Variants in PDSS2 observed in about 807,000 individuals in gnomAD.
The protein encoded by PDSS2 is all trans-polyprenyl-diphosphate synthase PDSS2.
In PDSS2, 31 loss-of-function variants were observed where a neutral mutation model predicts 44.5. That is an observed-to-expected ratio of 0.70 (90% confidence interval 0.52 to 0.94). The LOEUF (loss-of-function observed/expected upper bound fraction) is 0.94, where lower values mean the gene tolerates loss of function less well. Among genes scored for constraint, PDSS2 ranks in the 40% least tolerant of loss-of-function variants. The probability of loss-of-function intolerance (pLI) is 0.00; values close to 1 mark genes in which losing one functional copy is unlikely to be tolerated. For synonymous variants in PDSS2, 157 were observed against 180.3 expected (o/e 0.87, Z 1.03); for missense variants, 452 against 482.2 (o/e 0.94, Z 0.59).
intron 3 of PDSS2, among the ~76,000 whole-genome samples, chr6:107,250,398 A>T (rs1392964970): frequency 6.6e-6 from 1 of 152,236 alleles, no homozygotes; most frequent in East Asian, 1.9e-4. Context: ...GATGATTTTT[A>T]ATTTAAAAAA....
chr6:107,157,671 C>A (rs564453343), intron 7 of PDSS2, among the ~76,000 whole-genome samples: 1 of 150,916 alleles, frequency 6.6e-6, no homozygotes, highest in African/African-American at 2.4e-5. Context: ...ATTGTTTTAG[C>A]GTTTTTGTTT....
chr6:107,163,862 CAA>C (rs1472261585), intron 7 of PDSS2, among the ~76,000 whole-genome samples: 1 of 152,200 alleles, frequency 6.6e-6, no homozygotes, highest in Non-Finnish European at 1.5e-5. Flanking sequence ...CTCGGCCTCC[CAA>C]AGTGCTGGGA....
chr6:107,354,584 G>A (rs372324486), intron 1 of PDSS2, among the ~76,000 whole-genome samples: 1 of 152,306 alleles, frequency 6.6e-6, no homozygotes, highest in East Asian at 1.9e-4. Context: ...AGTCTGAAGA[G>A]CCAATTCCTG....
At chr6:107,286,020 A>C (rs1384468177) in intron 2 of PDSS2, among the ~76,000 whole-genome samples, 1 of 151,942 alleles carries the variant, frequency 6.6e-6, no homozygotes. Flanking sequence ...GGTGCCTGTA[A>C]TCCCAGCTAC....
In PDSS2 at chr6:107,379,195, G is replaced by C. The variant is rs144170283; in HGVS notation, c.297-44863C>G. ...ATCATTTATATCAGCATGGACTCAT[G>C]GATATTTATAGTATGCTTTGAGTAT... On this transcript the variant is annotated intron_variant, in intron 1 of 7. Coordinates refer to ENST00000369037, the MANE Select transcript of PDSS2 (RefSeq NM_020381.4). Among the ~76,000 whole-genome samples, 39 of 152,232 alleles carry C rather than the reference G, an allele frequency of 2.6e-4. No homozygotes were observed. The East Asian group carries it at 7.3e-3, about 29-fold the overall frequency.
At chr6:107,280,146 G>A (rs1232118558) in intron 2 of PDSS2, among the ~76,000 whole-genome samples, 2 of 152,076 alleles carry the variant, frequency 1.3e-5, no homozygotes, top group Non-Finnish European at 2.9e-5. Context: ...TGCAACCTCT[G>A]CCTCCCAGGT....
In PDSS2 at chr6:107,269,338, GTC is replaced by G. The variant is rs1438915455; in HGVS notation, c.630+4689_630+4690del. Among the ~76,000 whole-genome samples the G allele has an allele frequency of 4.2e-4, 51 of 121,594 alleles. 1 individual carries two copies. The highest frequency in any genetic ancestry group is 1.4e-3 in the African/African-American group (47 of 33,106). 79.8% of individuals were successfully genotyped at this position (121,594 alleles called of 152,430 possible). A position where few individuals can be genotyped will look rare whatever the true frequency, so the allele number is the denominator to read the frequency against. On this transcript the variant is annotated intron_variant, in intron 3 of 7. Coordinates refer to ENST00000369037, the MANE Select transcript of PDSS2 (RefSeq NM_020381.4). ...AGGCCTTCTCAATCTCATTTCGTGTGTCTGTGTGTGTGTGTGTGTGTGTGTGT... is the reference window on the plus strand; with the variant it reads ...AGGCCTTCTCAATCTCATTTCGTGTGTGTGTGTGTGTGTGTGTGTGTGTGT...
At chr6:107,396,684 T>C (rs370468016) in intron 1 of PDSS2, among the ~76,000 whole-genome samples, 17 of 139,796 alleles carry the variant, frequency 1.2e-4, no homozygotes, top group East Asian at 8.0e-4. Context: ...TTTTCTTTTT[T>C]TTTTTTTTTT....
chr6:107,291,348 ATT>A (rs139519390), intron 2 of PDSS2, among the ~76,000 whole-genome samples: 99,160 of 132,204 alleles, frequency 0.75, 36,628 homozygotes, highest in South Asian at 0.86. Context: ...TTATTTTATA[ATT>A]TTTTTTTTTT....
intron 7 of PDSS2, among the ~76,000 whole-genome samples, chr6:107,166,040 G>A (rs1234325731): frequency 6.6e-6 from 1 of 152,140 alleles, no homozygotes; most frequent in Non-Finnish European, 1.5e-5. Context: ...TGCTGAAGTT[G>A]CTTATCAGCT....
At chr6:107,253,316 G>A (rs1257347658) in intron 3 of PDSS2, among the ~76,000 whole-genome samples, 6 of 152,234 alleles carry the variant, frequency 3.9e-5, no homozygotes, top group Admixed American at 2.0e-4. Context: ...GATTACAGGC[G>A]TGAGCCACTG....
chr6:107,195,691 C>G (rs939537724), intron 6 of PDSS2, among the ~76,000 whole-genome samples: 1 of 150,762 alleles, frequency 6.6e-6, no homozygotes, highest in Non-Finnish European at 1.5e-5. Context: ...TCCTGAGTAG[C>G]TGGGATTACA....
At chr6:107,228,727 C>T (rs200761545) in intron 4 of PDSS2, among the ~76,000 whole-genome samples, 198 of 101,788 alleles carry the variant, frequency 1.9e-3, no homozygotes, top group East Asian at 5.3e-3. Context: ...AATAAACAAA[C>T]AAACAAACAA....
intron 2 of PDSS2, among the ~76,000 whole-genome samples, chr6:107,315,956 T>C (rs1268726142): frequency 6.6e-6 from 1 of 152,194 alleles, no homozygotes; most frequent in Non-Finnish European, 1.5e-5. Context: ...ATGCTCTTCC[T>C]AATTAGAAGA....
chr6:107,274,136 C>G lies in PDSS2; in HGVS notation c.523G>C (p.Asp175His), dbSNP rs1217767868. 3 of 1,613,550 alleles carry G rather than the reference C, an allele frequency of 1.9e-6. No homozygotes were observed. The Admixed American group carries it at 5.0e-5, about 27-fold the overall frequency. ...AATTGCATGTCTTTCAGTGGACCAT[C>G]AGATGATTGCAACTCATTTAAATTT... ...IVNLNELQSS[D>H]GPLKDMQFGN... Residue 175 changes from aspartate to histidine, a missense_variant, in exon 3 of 8, where the codon GAT (aspartate) becomes CAT (histidine). Physicochemically the swap from Asp to His is moderately conservative, Grantham distance 81. Coordinates refer to ENST00000369037, the MANE Select transcript of PDSS2 (RefSeq NM_020381.4).
intron 7 of PDSS2, among the ~76,000 whole-genome samples, chr6:107,160,009 A>C (rs1379989434): frequency 6.6e-6 from 1 of 152,044 alleles, no homozygotes; most frequent in African/African-American, 2.4e-5. Context: ...TGAGGTCAGG[A>C]GTTCGAGATC....
chr6:107,346,872 T>TG, intron 1 of PDSS2, among the ~76,000 whole-genome samples: 1 of 152,364 alleles, frequency 6.6e-6, no homozygotes, highest in Admixed American at 6.5e-5. Flanking sequence ...CTTATAGGTC[T>TG]GGTGTATTGA....
At chr6:107,202,647 G>A (rs902704774) in intron 6 of PDSS2, among the ~76,000 whole-genome samples, 1 of 152,124 alleles carries the variant, frequency 6.6e-6, no homozygotes, top group South Asian at 2.1e-4. Context: ...AGAGAGCGCA[G>A]AAGGCATGTG....
intron 7 of PDSS2, among the ~76,000 whole-genome samples, chr6:107,176,844 T>C (rs560685819): frequency 1.3e-5 from 2 of 152,114 alleles, no homozygotes; most frequent in Non-Finnish European, 2.9e-5. Context: ...GGTATTTATA[T>C]ATAGTTTAAA....
Sources: gnomAD v4.1 joint callset for allele counts (sites outside exome capture counted in the v4.1 genomes callset) on GRCh38, gnomAD v4.1.1 for gene constraint, MANE v1.5 for transcripts, NCBI Gene and HGNC (gene_info 2026-07-23, HGNC 2026-07-21) for gene names.